RAMP3: variants seen among roughly 807,000 people sequenced by gnomAD.
RAMP3 encodes receptor activity modifying protein 3.
RAMP3 carries 14 observed loss-of-function variants against 13.5 expected under a neutral mutation model. That is an observed-to-expected ratio of 1.04 (90% confidence interval 0.69 to 1.63). RAMP3 has a LOEUF of 1.63. Among genes scored for constraint, RAMP3 ranks in the 40% most tolerant of loss-of-function variants. The pLI, the probability that RAMP3 is intolerant of heterozygous loss-of-function variation, is 0.00. For synonymous variants in RAMP3, 106 were observed against 88.3 expected, an observed-to-expected ratio of 1.20 and a Z score of -1.12; for missense variants, 200 against 204.8, an observed-to-expected ratio of 0.98 and a Z score of 0.14.
intron 1 of RAMP3, among the ~76,000 whole-genome samples, chr7:45,168,751 T>C (rs927039513): frequency 4.6e-5 from 7 of 152,240 alleles, no homozygotes; most frequent in African/African-American, 1.7e-4. Context: ...CCTATCTAAC[T>C]TGGATGCCTT....
At chr7:45,181,216 G>C (rs1003184212) in intron 2 of RAMP3, among the ~76,000 whole-genome samples, 2 of 152,228 alleles carry the variant, frequency 1.3e-5, no homozygotes, top group Admixed American at 1.3e-4. Flanking sequence ...TGGCTGAGCT[G>C]GAGTTGGAGA....
At chr7:45,161,955 G>A (rs976059309) in intron 1 of RAMP3, among the ~76,000 whole-genome samples, 3 of 152,158 alleles carry the variant, frequency 2.0e-5, no homozygotes, top group South Asian at 2.1e-4. Flanking sequence ...AGGGAGTGAC[G>A]CCAGACCCAG....
intron 1 of RAMP3, among the ~76,000 whole-genome samples, chr7:45,172,565 T>C (rs1446524916): frequency 1.3e-5 from 2 of 152,186 alleles, no homozygotes; most frequent in Non-Finnish European, 2.9e-5. Flanking sequence ...AACCTCTGCC[T>C]CTTTGGTTCA....
At chr7:45,177,584 C>A (rs1484256523) in intron 2 of RAMP3, 143 bp downstream of exon 2, 2 of 1,257,006 alleles carry the variant, frequency 1.6e-6, no homozygotes, top group Non-Finnish European at 2.2e-6. Flanking sequence ...CACCCACAGC[C>A]CTTTCATGTG....
At chr7:45,165,532 A>C (rs1404416326) in intron 1 of RAMP3, among the ~76,000 whole-genome samples, 1 of 152,220 alleles carries the variant, frequency 6.6e-6, no homozygotes, top group Non-Finnish European at 1.5e-5. Context: ...AAAAGCCAGC[A>C]TTATTGAGAT....
intron 1 of RAMP3, among the ~76,000 whole-genome samples, chr7:45,161,542 G>A (rs1785866642): frequency 6.7e-6 from 1 of 150,168 alleles, no homozygotes; most frequent in African/African-American, 2.5e-5. Flanking sequence ...AATACCTCCA[G>A]GAAAGGGCTG....
At chr7:45,165,718 A>G (rs941921063) in intron 1 of RAMP3, among the ~76,000 whole-genome samples, 6 of 152,174 alleles carry the variant, frequency 3.9e-5, no homozygotes, top group African/African-American at 1.4e-4. Context: ...CCTTAGCCTT[A>G]AGGAATCACT....
intron 1 of RAMP3, chr7:45,163,248 G>T: frequency 1.0e-6 from 1 of 985,434 alleles, no homozygotes; most frequent in Non-Finnish European, 1.2e-6. Context: ...ACAGTGCCCA[G>T]AGGAACTAGG....
chr7:45,173,079 C>T (rs1176051878), intron 1 of RAMP3, among the ~76,000 whole-genome samples: 5 of 152,200 alleles, frequency 3.3e-5, no homozygotes, highest in African/African-American at 9.6e-5. Flanking sequence ...TTATCCACCC[C>T]CAGTTTTCCA....
intron 1 of RAMP3, among the ~76,000 whole-genome samples, chr7:45,172,600 C>T (rs7795290): frequency 0.26 from 39,955 of 152,056 alleles, 6,380 homozygotes; most frequent in African/African-American, 0.44. Context: ...CTCAGCTTCC[C>T]GAGTAGGTGG....
rs1290921279 is a variant in RAMP3 at position 45,177,377 on chromosome 7, G to T, written c.127G>T (p.Ala43Ser). 1 of 1,614,142 alleles carries T rather than the reference G, an allele frequency of 6.2e-7. No individual in the cohort carries two copies. The highest frequency in any genetic ancestry group is 8.5e-7 in the Non-Finnish European group (1 of 1,179,980). ...GGAGAGGCTGCCCCTGTGTGGGAAGGCTTTCGCAGACATGATGGGCAAGGT... is the reference window on the plus strand; with the variant it reads ...GGAGAGGCTGCCCCTGTGTGGGAAGTCTTTCGCAGACATGATGGGCAAGGT... ...MLERLPLCGKAFADMMGKVDV... is the reference protein window; with the variant it reads ...MLERLPLCGKSFADMMGKVDV... The change falls in exon 2 of 3, where the codon GCT becomes TCT. Residue 43 changes from alanine (A) to serine (S), a missense_variant. Coordinates refer to ENST00000242249, the MANE Select transcript of RAMP3 (RefSeq NM_005856.3).
chr7:45,162,782 A>T (rs2128655229), intron 1 of RAMP3, among the ~76,000 whole-genome samples: 1 of 152,214 alleles, frequency 6.6e-6, no homozygotes, highest in African/African-American at 2.4e-5. Context: ...CTGTTTCTGA[A>T]TGGGGACATT....
intron 1 of RAMP3, among the ~76,000 whole-genome samples, chr7:45,161,134 GA>G (rs143357737): frequency 0.29 from 44,105 of 152,014 alleles, 8,189 homozygotes; most frequent in African/African-American, 0.53. Flanking sequence ...CAATCTGCCT[GA>G]GCCAGGTCCT....
chr7:45,163,044 C>A, intron 1 of RAMP3: 1 of 505,030 alleles, frequency 2.0e-6, no homozygotes, highest in Non-Finnish European at 2.6e-6. Context: ...TGAGTGGAGA[C>A]ACATTGCTTT....
At chr7:45,164,518 G>T (rs752936988) in intron 1 of RAMP3, among the ~76,000 whole-genome samples, 1 of 151,266 alleles carries the variant, frequency 6.6e-6, no homozygotes, top group Non-Finnish European at 1.5e-5. Flanking sequence ...CTCGGTGACA[G>T]AGTGAGACTT....
At chr7:45,176,694 G>A (rs954509009) in intron 1 of RAMP3, among the ~76,000 whole-genome samples, 2 of 152,186 alleles carry the variant, frequency 1.3e-5, no homozygotes, top group Admixed American at 6.5e-5. Context: ...GGTGGGCAGA[G>A]GTTGGGAAGG....
intron 2 of RAMP3, among the ~76,000 whole-genome samples, chr7:45,182,110 C>T (rs537519347): frequency 6.6e-6 from 1 of 152,308 alleles, no homozygotes; most frequent in South Asian, 2.1e-4. Flanking sequence ...GGAGGCAGCT[C>T]TTTCCTGTTG....
Position 45,183,673 on chromosome 7 carries a change from T to C in RAMP3, c.*261T>C, listed in dbSNP as rs376575535. The C allele has an allele frequency of 1.7e-6, 1 of 596,354 alleles. No individual in the cohort carries two copies. The highest frequency in any genetic ancestry group is 2.0e-5 in the South Asian group (1 of 49,102). The allele number at this position is 596,354 out of a possible 1,614,324, so 36.9% of individuals were successfully genotyped here. A position where few individuals can be genotyped will look rare whatever the true frequency, so the allele number is the denominator to read the frequency against. On this transcript the variant is annotated 3_prime_UTR_variant, in exon 3 of 3. Coordinates refer to ENST00000242249, the MANE Select transcript of RAMP3 (RefSeq NM_005856.3). ...TGTGATAAGGCCAGAGCTTGTGTGC[T>C]GGGCACAGAAATCACCTGCTGCATC...
intron 1 of RAMP3, among the ~76,000 whole-genome samples, chr7:45,168,261 G>T (rs6953865): frequency 0.26 from 39,745 of 151,596 alleles, 6,319 homozygotes; most frequent in African/African-American, 0.44. Flanking sequence ...AATTAGCTGG[G>T]CATGGTGGCA....
Sources: gnomAD v4.1 joint callset for allele counts (sites outside exome capture counted in the v4.1 genomes callset) on GRCh38, gnomAD v4.1.1 for gene constraint, MANE v1.5 for transcripts, NCBI Gene and HGNC (gene_info 2026-07-23, HGNC 2026-07-21) for gene names.